The following CMKLR1 variants were observed in gnomAD, a reference collection of about 807,000 sequenced individuals.
The protein encoded by CMKLR1 is chemerin-like receptor 1.
Under a neutral mutation model 8.2 loss-of-function variants are expected in CMKLR1, and 6 were observed. The ratio of observed to expected loss-of-function variants is 0.73; its 90% CI spans 0.40 to 1.44. The LOEUF (loss-of-function observed/expected upper bound fraction) is 1.44, where lower values mean the gene tolerates loss of function less well. CMKLR1 is among the 40% of genes most tolerant of loss of function. The pLI is 0.02. For synonymous variants in CMKLR1, 178 were observed against 181.2 expected (o/e 0.98, Z 0.14); for missense variants, 429 against 478.0 (o/e 0.90, Z 0.96).
intron 2 of CMKLR1, among the ~76,000 whole-genome samples, chr12:108,314,199 G>T (rs1280578827): frequency 6.7e-6 from 1 of 149,464 alleles, no homozygotes; most frequent in East Asian, 1.9e-4. Context: ...AGGGAAACAT[G>T]TGTAGAGACA....
chr12:108,295,792 G>A (rs1270100632), intron 2 of CMKLR1, among the ~76,000 whole-genome samples: 1 of 152,252 alleles, frequency 6.6e-6, no homozygotes, highest in African/African-American at 2.4e-5. Flanking sequence ...TCAGGACTGA[G>A]TGCTTCGCAC....
intron 2 of CMKLR1, among the ~76,000 whole-genome samples, chr12:108,318,942 A>G (rs1368078541): frequency 2.6e-5 from 4 of 152,212 alleles, no homozygotes; most frequent in South Asian, 2.1e-4. Flanking sequence ...AAAGGATCCA[A>G]AGGAATTTTC....
chr12:108,312,304 C>T (rs1290996935), intron 2 of CMKLR1, among the ~76,000 whole-genome samples: 2 of 152,326 alleles, frequency 1.3e-5, no homozygotes, highest in African/African-American at 4.8e-5. Flanking sequence ...TTCCAAGCAT[C>T]GTGGATGGGC....
intron 2 of CMKLR1, among the ~76,000 whole-genome samples, chr12:108,314,627 C>A (rs986936718): frequency 6.6e-6 from 1 of 152,238 alleles, no homozygotes; most frequent in Non-Finnish European, 1.5e-5. Context: ...TCTAGAATAT[C>A]TGAGAAGGGG....
At chr12:108,299,861 T>C in intron 2 of CMKLR1, among the ~76,000 whole-genome samples, 1 of 152,072 alleles carries the variant, frequency 6.6e-6, no homozygotes, top group East Asian at 1.9e-4. Flanking sequence ...GAGAATAAAT[T>C]CCTGTTGTTT....
intron 2 of CMKLR1, among the ~76,000 whole-genome samples, chr12:108,328,620 T>A (rs924856320): frequency 6.6e-6 from 1 of 152,210 alleles, no homozygotes; most frequent in African/African-American, 2.4e-5. Flanking sequence ...GCCCTTTTTC[T>A]TCATGACCTA....
rs1025300822 is a variant in CMKLR1 at position 108,288,299 on chromosome 12, T to C, written c.*3542A>G. 2.0e-5 allele frequency: 3 copies of C among 152,220 alleles called. No homozygotes were observed. The highest frequency in any genetic ancestry group is 6.5e-5 in the Admixed American group (1 of 15,280). The allele number at this position is 152,220 out of a possible 1,614,324, so 9.4% of individuals were successfully genotyped here. A position where few individuals can be genotyped will look rare whatever the true frequency, so the allele number is the denominator to read the frequency against. On this transcript the variant is annotated 3_prime_UTR_variant, in exon 4 of 4. Coordinates refer to ENST00000550402, the MANE Select transcript of CMKLR1 (RefSeq NM_001142343.2). ...GGAGTTGAGGAATCACCGACCACTT[T>C]CATCCAAACCAGACACCACCTCGTT...
rs1892066989 is a variant in CMKLR1 at position 108,329,977 on chromosome 12, C to A, written c.-74+18G>T. 1 of 152,182 alleles carries A rather than the reference C, an allele frequency of 6.6e-6. No individual in the cohort carries two copies. Among genetic ancestry groups the A allele is most frequent in the Non-Finnish European group, 1.5e-5 (1 of 68,042 alleles). The allele number at this position is 152,182 out of a possible 1,614,324, so 9.4% of individuals were successfully genotyped here. A position where few individuals can be genotyped will look rare whatever the true frequency, so the allele number is the denominator to read the frequency against. The stretch of plus-strand genomic sequence containing the variant: ...TTTAAAGATAGACTCTAACATCCCA[C>A]CCTGCCCCAATACTCACATGTCACG... On this transcript the variant is annotated intron_variant, in intron 2 of 3. Coordinates refer to ENST00000550402, the MANE Select transcript of CMKLR1 (RefSeq NM_001142343.2).
intron 2 of CMKLR1, among the ~76,000 whole-genome samples, chr12:108,314,882 T>C (rs974802884): frequency 6.6e-6 from 1 of 151,414 alleles, no homozygotes; most frequent in Non-Finnish European, 1.5e-5. Context: ...TGTTCCATCA[T>C]GCCCAGCCCG....
intron 2 of CMKLR1, among the ~76,000 whole-genome samples, chr12:108,295,788 C>T (rs1891118370): frequency 6.6e-6 from 1 of 152,234 alleles, no homozygotes; most frequent in African/African-American, 2.4e-5. Flanking sequence ...GGACTCAGGA[C>T]TGAGTGCTTC....
intron 1 of CMKLR1, among the ~76,000 whole-genome samples, chr12:108,335,200 C>T (rs922623445): frequency 6.6e-6 from 1 of 152,212 alleles, no homozygotes; most frequent in African/African-American, 2.4e-5. Context: ...GTCCACAATA[C>T]ACGACTGTGG....
At chr12:108,316,262 C>A (rs1891725261) in intron 2 of CMKLR1, among the ~76,000 whole-genome samples, 1 of 152,154 alleles carries the variant, frequency 6.6e-6, no homozygotes, top group Admixed American at 6.5e-5. Context: ...GAGGGAAGAG[C>A]CCTCTTCACT....
At chr12:108,320,819 T>G (rs1287528414) in intron 2 of CMKLR1, among the ~76,000 whole-genome samples, 1 of 152,084 alleles carries the variant, frequency 6.6e-6, no homozygotes, top group African/African-American at 2.4e-5. Context: ...CCCCAGAAAC[T>G]CCAGCACAGC....
intron 2 of CMKLR1, among the ~76,000 whole-genome samples, chr12:108,305,469 C>G (rs767049438): frequency 2.0e-5 from 3 of 152,192 alleles, no homozygotes; most frequent in African/African-American, 7.2e-5. Context: ...CCAGCCTCCC[C>G]CTGGCCTGGA....
chr12:108,306,562 GGGGCTCCTAACT>G (rs1697246600), intron 2 of CMKLR1, among the ~76,000 whole-genome samples: 1 of 152,108 alleles, frequency 6.6e-6, no homozygotes, highest in African/African-American at 2.4e-5. Context: ...GTGGCTACCA[GGGGCTCCTAACT>G]GGTTAGAAAC....
At chr12:108,315,087 G>A (rs1025637967) in intron 2 of CMKLR1, among the ~76,000 whole-genome samples, 14 of 151,914 alleles carry the variant, frequency 9.2e-5, no homozygotes, top group East Asian at 3.9e-4. Flanking sequence ...ACAGGCATGC[G>A]CCACCACACC....
At chr12:108,317,555 C>T (rs887770238) in intron 2 of CMKLR1, among the ~76,000 whole-genome samples, 1 of 152,142 alleles carries the variant, frequency 6.6e-6, no homozygotes, top group Non-Finnish European at 1.5e-5. Context: ...CAAGGAAAGC[C>T]GTAGTCAGCT....
At chr12:108,315,997 C>A (rs1004804537) in intron 2 of CMKLR1, among the ~76,000 whole-genome samples, 3 of 152,142 alleles carry the variant, frequency 2.0e-5, no homozygotes, top group Admixed American at 6.5e-5. Flanking sequence ...TTGGACCCTG[C>A]GCCTCAGCCC....
chr12:108,292,554 G>A lies in CMKLR1; in HGVS notation c.409C>T (p.Arg137Cys), dbSNP rs148287464. The change falls in exon 4 of 4, where the codon CGC becomes TGC. Residue 137 changes from arginine to cysteine, a missense_variant. Arg to Cys is a radical substitution (Grantham distance 180). Transcript: ENST00000550402. ...VFLLTIISSD[R>C]CISVLLPVWS... The stretch of plus-strand genomic sequence containing the variant: ...ACAGGGAGGAGCACAGAGATGCAGC[G>A]GTCAGAGCTGATGATGGTCAGCAGG... 4.3e-5 allele frequency: 70 copies of A among 1,614,132 alleles called. No homozygotes were observed. The East Asian group carries it at 7.8e-4, about 18-fold the overall frequency.
Sources: gnomAD v4.1 joint callset for allele counts (sites outside exome capture counted in the v4.1 genomes callset) on GRCh38, gnomAD v4.1.1 for gene constraint, MANE v1.5 for transcripts, NCBI Gene and HGNC (gene_info 2026-07-23, HGNC 2026-07-21) for gene names.